Variants in DELE1 observed in about 807,000 individuals in gnomAD.
The protein encoded by DELE1 is DAP3 binding cell death enhancer 1, also known as death ligand signal enhancer.
In DELE1, 54 loss-of-function variants were observed where a neutral mutation model predicts 59.3. That is an observed-to-expected ratio of 0.91 (90% CI 0.73 to 1.14). The LOEUF (loss-of-function observed/expected upper bound fraction) is 1.14, where lower values mean the gene tolerates loss of function less well. Among genes scored for constraint, DELE1 ranks in the 50% most tolerant of loss-of-function variants. The pLI, the probability that DELE1 is intolerant of heterozygous loss-of-function variation, is 0.00. For synonymous variants in DELE1, 264 were observed against 259.1 expected, an observed-to-expected ratio of 1.02 and a Z score of -0.18; for missense variants, 636 against 643.9, an observed-to-expected ratio of 0.99 and a Z score of 0.13.
At chr5:141,929,256 T>C (rs1358685334) in intron 4 of DELE1, among the ~76,000 whole-genome samples, 3 of 152,178 alleles carry the variant, frequency 2.0e-5, no homozygotes, top group Admixed American at 2.0e-4. Flanking sequence ...ATCACTCTTT[T>C]TTTTTCTTTT....
chr5:141,941,197 G>A lies in DELE1; in HGVS notation c.*2438G>A. On this transcript the variant is annotated 3_prime_UTR_variant, in exon 12 of 12. Transcript: ENST00000432126. Reference sequence around the variant, plus strand: ...CTAGCCATAGCTGGGGCCGAGGGCTGGTTCACAGTCTGGCCACTGGGCGTC... The same window carrying A: ...CTAGCCATAGCTGGGGCCGAGGGCTAGTTCACAGTCTGGCCACTGGGCGTC... 1 of 985,474 alleles carries A rather than the reference G, an allele frequency of 1.0e-6. No individual in the cohort carries two copies. The highest frequency in any genetic ancestry group is 1.2e-6 in the Non-Finnish European group (1 of 829,970). 61.0% of individuals were successfully genotyped at this position (985,474 alleles called of 1,614,324 possible).
chr5:141,937,770 CAAAAAAAAAAAA>C (rs1172381549), intron 11 of DELE1, among the ~76,000 whole-genome samples: 14 of 61,268 alleles, frequency 2.3e-4, no homozygotes, highest in Admixed American at 2.0e-3. Context: ...GATTCTGTTT[CAAAAAAAAAAAA>C]AAAAAAAAGA....
At position 141,939,022 on chromosome 5, in the gene DELE1, C is replaced by T; in HGVS notation, c.*263C>T. 4 of 1,291,454 alleles carry T rather than the reference C, an allele frequency of 3.1e-6. No individual in the cohort carries two copies. Among genetic ancestry groups the T allele is most frequent in the Non-Finnish European group, 3.9e-6 (4 of 1,017,082 alleles). The allele number at this position is 1,291,454 out of a possible 1,614,324, so 80.0% of individuals were successfully genotyped here. On this transcript the variant is annotated 3_prime_UTR_variant, in exon 12 of 12. Coordinates refer to ENST00000432126, the MANE Select transcript of DELE1 (RefSeq NM_014773.5). ...ATTCAGTGACCTATGAAAAACCCTA[C>T]TGAAGGGTCCAGAGACCCTGGTGCT...
chr5:141,927,990 C>T (rs1250289140), intron 3 of DELE1, among the ~76,000 whole-genome samples, 161 bp from the exon 4 acceptor site: 1 of 152,182 alleles, frequency 6.6e-6, no homozygotes, highest in Non-Finnish European at 1.5e-5. Flanking sequence ...GTTTAAATGC[C>T]AGTGTGGTCA....
chr5:141,932,798 A>G (rs1002016004), intron 7 of DELE1, among the ~76,000 whole-genome samples: 1 of 152,174 alleles, frequency 6.6e-6, no homozygotes, highest in Non-Finnish European at 1.5e-5. Flanking sequence ...TTTAGAAGAT[A>G]GAAATATATG....
chr5:141,923,878 G>C lies in DELE1; in HGVS notation c.-64G>C. On this transcript the variant is annotated 5_prime_UTR_variant, in exon 1 of 12. Coordinates refer to ENST00000432126, the MANE Select transcript of DELE1 (RefSeq NM_014773.5). ...TCGGGGCATCGCGGCGGCCTTTCTA[G>C]CCGCTGTCCCAAGGGTTGGTCTCGC... 1.9e-6 allele frequency: 3 copies of C among 1,559,552 alleles called. No homozygotes were observed. The South Asian group carries it at 3.5e-5, about 18-fold the overall frequency.
Position 141,933,094 on chromosome 5 carries a change from CAAAAAA to C in DELE1, c.755-152_755-147del, listed in dbSNP as rs56720043. Among the ~76,000 whole-genome samples, 154 of 101,050 alleles carry C rather than the reference CAAAAAA, an allele frequency of 1.5e-3. 3 individuals carry two copies. Among genetic ancestry groups the C allele is most frequent in the African/African-American group, 5.4e-3 (146 of 27,276 alleles). The allele number at this position is 101,050 out of a possible 152,430, so 66.3% of individuals were successfully genotyped here. A position where few individuals can be genotyped will look rare whatever the true frequency, so the allele number is the denominator to read the frequency against. ...TGGGCAACAGAGCAAGACTCCATCT[CAAAAAA>C]AAAAAAAAAAAATATATATATATAT... On this transcript the variant is annotated intron_variant, in intron 7 of 11. Coordinates refer to ENST00000432126, the MANE Select transcript of DELE1 (RefSeq NM_014773.5).
At position 141,940,517 on chromosome 5, in the gene DELE1, A is replaced by G. The variant is rs188067322; in HGVS notation, c.*1758A>G. ...AAGGCAAGAAGATTTGAGGGGGGAA[A>G]GTTGTCCACGTTTCCCTCTCTGCTT... On this transcript the variant is annotated 3_prime_UTR_variant, in exon 12 of 12. Coordinates refer to ENST00000432126, the MANE Select transcript of DELE1 (RefSeq NM_014773.5). 3 of 985,272 alleles carry G rather than the reference A, an allele frequency of 3.0e-6. No homozygotes were observed. Among genetic ancestry groups the G allele is most frequent in the African/African-American group, 1.7e-5 (1 of 57,220 alleles). The allele number at this position is 985,272 out of a possible 1,614,324, so 61.0% of individuals were successfully genotyped here.
rs1752773235 is a variant in DELE1, at chr5:141,942,009, A to T, written c.*3250A>T. On this transcript the variant is annotated 3_prime_UTR_variant, in exon 12 of 12. Transcript: ENST00000432126. ...CACGGTTTCCTGTGCTACTTCTGGC[A>T]CTTAGTAATTATTCAATAAACACAA... The T allele has an allele frequency of 1.0e-6, 1 of 985,284 alleles. No homozygotes were observed. Among genetic ancestry groups the T allele is most frequent in the South Asian group, 4.7e-5 (1 of 21,290 alleles). The allele number at this position is 985,284 out of a possible 1,614,324, so 61.0% of individuals were successfully genotyped here.
rs142879585 is a variant in DELE1, at chr5:141,938,591, C to T, written c.1380C>T (p.Asn460=). 34 of 1,614,148 alleles carry T rather than the reference C, an allele frequency of 2.1e-5. No homozygotes were observed. The African/African-American group carries it at 4.4e-4, about 21-fold the overall frequency. The change falls in exon 12 of 12, where the codon AAC becomes AAT. Residue 460 remains asparagine (N), a synonymous_variant. Transcript: ENST00000432126. The stretch of plus-strand genomic sequence containing the variant: ...CCAGCCCCTCCCTCTGCAGCTTGAA[C>T]ACCCTGCTAGCAGGAACCTCACGCC... ...SFSSPSLCSL[N]TLLAGTSRLP...
chr5:141,933,522 G>T, intron 8 of DELE1, 121 bp downstream of exon 8: 1 of 675,414 alleles, frequency 1.5e-6, no homozygotes. Context: ...TTCTAGCCCA[G>T]CTGCGAAGGA....
Position 141,929,650 on chromosome 5 carries a change from A to G in DELE1, c.481A>G (p.Arg161Gly), listed in dbSNP as rs770113742. 1.2e-5 allele frequency: 20 copies of G among 1,614,168 alleles called. No homozygotes were observed. The highest frequency in any genetic ancestry group is 1.6e-5 in the Non-Finnish European group (19 of 1,180,028). The change falls in exon 5 of 12, where the codon AGG becomes GGG. Residue 161 changes from arginine to glycine, a missense_variant. Coordinates refer to ENST00000432126, the MANE Select transcript of DELE1 (RefSeq NM_014773.5). The stretch of plus-strand genomic sequence containing the variant: ...CAGGCACACTGGCCTCAGGGAACCC[A>G]GGCTTGGCCAGGAAGAAGCCTCAGC... ...APRHTGLREP[R>G]LGQEEASAQP...
intron 2 of DELE1, 130 bp downstream of exon 2, chr5:141,924,825 A>G (rs13170508): frequency 0.11 from 68,959 of 612,804 alleles, 5,904 homozygotes; most frequent in African/African-American, 0.35. Context: ...GGGCAATCTC[A>G]GCTCACTGCA....
At chr5:141,928,129 C>A in intron 3 of DELE1, 22 bp from the exon 4 acceptor site, 1 of 1,609,074 alleles carries the variant, frequency 6.2e-7, no homozygotes, top group Non-Finnish European at 8.5e-7. Flanking sequence ...GGACCGTGTC[C>A]TTAACGTGCT....
rs62380002 is a variant in DELE1, at chr5:141,940,608, G to A, written c.*1849G>A. On this transcript the variant is annotated 3_prime_UTR_variant, in exon 12 of 12. Transcript: ENST00000432126. The stretch of plus-strand genomic sequence containing the variant: ...CTTTCCTAGCACCTCTCTTTCACCC[G>A]GGGAGCCCAAGCGTCCTCTAGCTCC... The A allele has an allele frequency of 2.4e-5, 24 of 985,796 alleles. No homozygotes were observed. The highest frequency in any genetic ancestry group is 2.3e-4 in the East Asian group (2 of 8,820). The allele number at this position is 985,796 out of a possible 1,614,324, so 61.1% of individuals were successfully genotyped here.
intron 11 of DELE1, 49 bp from the exon 12 acceptor site, chr5:141,938,472 T>TC (rs1275644121): frequency 2.5e-6 from 4 of 1,582,902 alleles, no homozygotes; most frequent in Admixed American, 1.7e-5. Flanking sequence ...AAAGTAGGAG[T>TC]CCAAGAATAT....
chr5:141,937,886 G>A (rs1026764916), intron 11 of DELE1, among the ~76,000 whole-genome samples: 2 of 147,370 alleles, frequency 1.4e-5, no homozygotes, highest in Middle Eastern at 3.5e-3. Flanking sequence ...GTGCAATAGC[G>A]CGATCTCGGC....
In DELE1 at chr5:141,924,569, T is replaced by G. The variant is rs1432935165; in HGVS notation, c.32-12T>G. 1.8e-5 allele frequency: 28 copies of G among 1,557,604 alleles called. No individual in the cohort carries two copies. The highest frequency in any genetic ancestry group is 2.0e-5 in the Non-Finnish European group (23 of 1,130,576). On this transcript the variant is annotated splice_polypyrimidine_tract_variant and intron_variant, in intron 1 of 11. Coordinates refer to ENST00000432126, the MANE Select transcript of DELE1 (RefSeq NM_014773.5). ...CTTGTTGAGGTGCCTGAGTTTTGGT[T>G]GTTCTGTACAGCTCTTCCCCGTACA...
chr5:141,936,506 C>T (rs1278582947), intron 10 of DELE1, among the ~76,000 whole-genome samples: 2 of 152,240 alleles, frequency 1.3e-5, no homozygotes, highest in Admixed American at 1.3e-4. Flanking sequence ...GCGATCTCAG[C>T]GCACTGCAAC....
Sources: allele counts gnomAD v4.1 joint callset (sites outside exome capture counted in the v4.1 genomes callset), GRCh38; gene constraint gnomAD v4.1.1; transcripts MANE v1.5; gene names NCBI Gene and HGNC (gene_info 2026-07-23, HGNC 2026-07-21).